The following CCDC88C variants were observed in gnomAD, a reference collection of about 807,000 sequenced individuals.
The protein encoded by CCDC88C is coiled-coil and HOOK domain protein 88C.
In CCDC88C, 131 loss-of-function variants were observed where a neutral mutation model predicts 198.8. The ratio of observed to expected loss-of-function variants is 0.66; its 90% confidence interval spans 0.57 to 0.76. The LOEUF (loss-of-function observed/expected upper bound fraction) is 0.76. CCDC88C is among the 30% of genes least tolerant of loss of function. The pLI is 0.00. For missense variants in CCDC88C, 2,553 were observed against 2,631.6 expected (o/e 0.97, Z 0.65); for synonymous variants, 1,166 against 1,114.7 (o/e 1.05, Z -0.92).
At chr14:91,293,340 C>T (rs1395065703) in intron 23 of CCDC88C, among the ~76,000 whole-genome samples, 3 of 140,972 alleles carry the variant, frequency 2.1e-5, no homozygotes, top group African/African-American at 2.7e-5. Flanking sequence ...CAAAGCTCAC[C>T]TTCCTGTCCC....
At chr14:91,326,201 C>CTTTT in intron 10 of CCDC88C, 145 bp from the exon 11 acceptor site, 1 of 567,388 alleles carries the variant, frequency 1.8e-6, no homozygotes, top group Non-Finnish European at 2.9e-6. Flanking sequence ...TTTTCCTCTA[C>CTTTT]TTTTTTTTTT....
At chr14:91,293,141 C>T (rs1373906676) in intron 23 of CCDC88C, among the ~76,000 whole-genome samples, 1 of 146,684 alleles carries the variant, frequency 6.8e-6, no homozygotes, top group Non-Finnish European at 1.5e-5. Context: ...AGCCCACCTT[C>T]CCATCCTCAC....
At chr14:91,322,714 A>G (rs1233827113) in intron 12 of CCDC88C, among the ~76,000 whole-genome samples, 1 of 152,178 alleles carries the variant, frequency 6.6e-6, no homozygotes, top group Admixed American at 6.5e-5. Flanking sequence ...GGCATTAGGT[A>G]CAAGCACACT....
chr14:91,363,174 T>A (rs28502432), intron 3 of CCDC88C, among the ~76,000 whole-genome samples: 1 of 152,090 alleles, frequency 6.6e-6, no homozygotes. Flanking sequence ...TAGCCATCTT[T>A]AAAAAAGTAA....
chr14:91,334,286 G>C (rs1254547299), intron 10 of CCDC88C, among the ~76,000 whole-genome samples: 3 of 152,240 alleles, frequency 2.0e-5, no homozygotes, highest in Non-Finnish European at 4.4e-5. Flanking sequence ...CTGTCGCCCA[G>C]ACTGGAGTGC....
rs529551625 is a variant in CCDC88C at position 91,301,677 on chromosome 14, A to G, written c.3636-1607T>C. Among the ~76,000 whole-genome samples, 5 of 152,354 alleles carry G rather than the reference A, an allele frequency of 3.3e-5. No individual in the cohort carries two copies. The South Asian group carries it at 1.0e-3, about 32-fold the overall frequency. ...GGCTGCTGTGAGCCAAGATCGCTCC[A>G]CTGCACTCCAGCCTGGGCGACAGAG... On this transcript the variant is annotated intron_variant, in intron 20 of 29. Transcript: ENST00000389857.
Position 91,345,186 on chromosome 14 carries a change from A to ATTTTTTT in CCDC88C, c.341-1530_341-1529insAAAAAAA, listed in dbSNP as rs1253529075. On this transcript the variant is annotated intron_variant, in intron 4 of 29. Transcript: ENST00000389857. Reference sequence around the variant, plus strand: ...TCAATTTATATATATATATATATATATATATTTTTTTTTTTTTTTTTTTTG... The same window carrying ATTTTTTT: ...TCAATTTATATATATATATATATATATTTTTTTTATATTTTTTTTTTTTTTTTTTTTG... Among the ~76,000 whole-genome samples the ATTTTTTT allele has an allele frequency of 4.6e-4, 33 of 72,472 alleles. 2 individuals are homozygous for ATTTTTTT. Among genetic ancestry groups the ATTTTTTT allele is most frequent in the African/African-American group, 1.8e-3 (32 of 17,954 alleles). 47.5% of individuals were successfully genotyped at this position (72,472 alleles called of 152,430 possible).
chr14:91,311,332 G>A (rs986252237), intron 15 of CCDC88C, among the ~76,000 whole-genome samples: 1 of 152,206 alleles, frequency 6.6e-6, no homozygotes, highest in African/African-American at 2.4e-5. Context: ...TGCATGGATC[G>A]TCAGTCATCT....
At chr14:91,374,236 G>A (rs1894971550) in intron 3 of CCDC88C, among the ~76,000 whole-genome samples, 1 of 152,246 alleles carries the variant, frequency 6.6e-6, no homozygotes, top group African/African-American at 2.4e-5. Flanking sequence ...AAATCAGCAT[G>A]CTGCATAAAC....
intron 2 of CCDC88C, among the ~76,000 whole-genome samples, chr14:91,414,604 A>G (rs917506771): frequency 2.0e-5 from 3 of 152,168 alleles, no homozygotes; most frequent in Admixed American, 6.5e-5. Context: ...TCTGACTTCT[A>G]TCACCTGGAA....
intron 3 of CCDC88C, among the ~76,000 whole-genome samples, chr14:91,389,888 C>T (rs1305361604): frequency 6.6e-6 from 1 of 151,522 alleles, no homozygotes. Context: ...CTGGCTAACA[C>T]GGTGAAACCC....
At chr14:91,283,061 T>G (rs1189930737) in intron 26 of CCDC88C, among the ~76,000 whole-genome samples, 1 of 152,248 alleles carries the variant, frequency 6.6e-6, no homozygotes, top group Non-Finnish European at 1.5e-5. Flanking sequence ...CTGGAGCTAT[T>G]TGGTGCCTTC....
intron 12 of CCDC88C, among the ~76,000 whole-genome samples, chr14:91,322,859 T>A (rs1436363491): frequency 6.6e-6 from 1 of 151,736 alleles, no homozygotes; most frequent in Non-Finnish European, 1.5e-5. Context: ...CCTTGAAGAC[T>A]ATTAAAACGA....
In CCDC88C at chr14:91,281,475, G is replaced by A. The variant is rs577150883; in HGVS notation, c.4681C>T (p.Pro1561Ser). The change falls in exon 27 of 30, where the codon CCC becomes TCC. Residue 1561 changes from proline (P) to serine (S), a missense_variant. Physicochemically the swap from Pro to Ser is moderately conservative, Grantham distance 74. Coordinates refer to ENST00000389857, the MANE Select transcript of CCDC88C (RefSeq NM_001080414.4). The part of the protein sequence containing the change: ...LCEPSLEFEV[P>S]NHRQYVSRPS... Reference sequence around the variant, plus strand: ...TACTCACCGTACTGCCTGTGGTTGGGGACCTCAAACTCCAGGGATGGCTCA... The same window carrying A: ...TACTCACCGTACTGCCTGTGGTTGGAGACCTCAAACTCCAGGGATGGCTCA... The A allele has an allele frequency of 1.9e-6, 3 of 1,613,934 alleles. No individual in the cohort carries two copies. Among genetic ancestry groups the A allele is most frequent in the South Asian group, 1.1e-5 (1 of 91,070 alleles).
At chr14:91,333,184 A>G (rs1386759442) in intron 10 of CCDC88C, among the ~76,000 whole-genome samples, 2 of 152,254 alleles carry the variant, frequency 1.3e-5, no homozygotes, top group Non-Finnish European at 2.9e-5. Flanking sequence ...AAGTAATTCA[A>G]TGGAACCTTC....
chr14:91,293,528 A>C (rs71415443), intron 23 of CCDC88C, among the ~76,000 whole-genome samples: 1 of 4,654 alleles, frequency 2.1e-4, no homozygotes, highest in African/African-American at 1.6e-3. Flanking sequence ...CTGTCCCCTC[A>C]CCTGCCACGG....
chr14:91,332,369 A>G (rs1418101491), intron 10 of CCDC88C, among the ~76,000 whole-genome samples: 1 of 152,170 alleles, frequency 6.6e-6, no homozygotes, highest in African/African-American at 2.4e-5. Context: ...ACCGAGGGAC[A>G]CCTACTCTGC....
intron 4 of CCDC88C, among the ~76,000 whole-genome samples, chr14:91,351,654 A>AG (rs1194320620): frequency 7.2e-5 from 11 of 151,846 alleles, no homozygotes; most frequent in Admixed American, 5.9e-4. Flanking sequence ...TAACATAACC[A>AG]GGCACACATA....
intron 3 of CCDC88C, among the ~76,000 whole-genome samples, chr14:91,395,949 C>T (rs969578015): frequency 9.2e-5 from 14 of 152,190 alleles, no homozygotes; most frequent in African/African-American, 2.7e-4. Context: ...GTACAGAGTG[C>T]GGCCCCTTCA....
Sources: allele counts gnomAD v4.1 joint callset (sites outside exome capture counted in the v4.1 genomes callset), GRCh38; gene constraint gnomAD v4.1.1; transcripts MANE v1.5; gene names NCBI Gene and HGNC (gene_info 2026-07-23, HGNC 2026-07-21).